SLC12A9: variants seen among roughly 807,000 people sequenced by gnomAD.
SLC12A9 encodes the protein CCC-interacting protein 1.
In SLC12A9, 55 loss-of-function variants were observed where a neutral mutation model predicts 66.0. That is an observed-to-expected ratio of 0.83 (90% confidence interval 0.67 to 1.04). The LOEUF is 1.04. Among genes scored for constraint, SLC12A9 ranks in the 50% least tolerant of loss-of-function variants. SLC12A9 has a pLI of 0.00. For missense variants in SLC12A9, 1,061 were observed against 1,241.9 expected, an observed-to-expected ratio of 0.85 and a Z score of 2.19; for synonymous variants, 577 against 569.0, an observed-to-expected ratio of 1.01 and a Z score of -0.20.
intron 1 of SLC12A9, among the ~76,000 whole-genome samples, chr7:100,828,685 C>T (rs1002718700): frequency 1.3e-5 from 2 of 152,160 alleles, no homozygotes; most frequent in Non-Finnish European, 2.9e-5. Context: ...GCCATGACCC[C>T]TGAGGCTGGG....
Position 100,866,218 on chromosome 7 carries a change from G to A in SLC12A9, c.2358G>A (p.Arg786=). The change falls in exon 14 of 14, where the codon CGG becomes CGA. Residue 786 remains arginine, a synonymous_variant. Transcript: ENST00000354161. The surrounding 1 kb of genome is among the most constrained non-coding windows in gnomAD (Gnocchi z 7.3). ...CTGGGGCGGCCGAGGGGCGGCTGCG[G>A]GCACTGCTGAGCCAACTGAGGATCC... ...EAPGAAEGRL[R]ALLSQLRIRA... is the part of the protein sequence containing the mutation. 6.2e-7 allele frequency: 1 copy of A among 1,609,784 alleles called. No homozygotes were observed. The highest frequency in any genetic ancestry group is 8.5e-7 in the Non-Finnish European group (1 of 1,178,694).
At chr7:100,853,171 A>G (rs1814173462) in intron 1 of SLC12A9, 1 of 151,004 alleles carries the variant, frequency 6.6e-6, no homozygotes, top group Non-Finnish European at 1.5e-5. Flanking sequence ...GTTTCTTGTT[A>G]CCTGTGGGTG....
chr7:100,833,365 A>C (rs1813580786), intron 1 of SLC12A9, among the ~76,000 whole-genome samples: 1 of 152,046 alleles, frequency 6.6e-6, no homozygotes, highest in South Asian at 2.1e-4. Flanking sequence ...GCTACTCAGG[A>C]GGCTGAGGCA....
At position 100,854,778 on chromosome 7, in the gene SLC12A9, G is replaced by A. The variant is rs778705098; in HGVS notation, c.316+24G>A. 3.7e-6 allele frequency: 6 copies of A among 1,613,364 alleles called. No individual in the cohort carries two copies. In the South Asian group the frequency reaches 5.5e-5, roughly 15 times the overall value. On this transcript the variant is annotated intron_variant, in intron 3 of 13. Transcript: ENST00000354161. ...CTGTATCCTCCAACATCGATGGACT[G>A]GGGTCTGGCCTGTTCTGCCTGCTAG...
At chr7:100,851,151 C>T (rs1814064016), upstream of SLC12A9, among the ~76,000 whole-genome samples, 1 of 151,772 alleles carries the variant, frequency 6.6e-6, no homozygotes, top group South Asian at 2.1e-4. Flanking sequence ...CCCACTGCAC[C>T]CAGCTCCTTG....
Position 100,861,349 on chromosome 7 carries a change from G to A in SLC12A9, c.1344-43G>A. ...GCTGGGGACTGCAGCCTCGTGTGCG[G>A]CCTGCCCTGAGTTTCTGTCCCTCCT... On this transcript the variant is annotated intron_variant, in intron 10 of 13. Transcript: ENST00000354161. The surrounding 1 kb of genome is among the most constrained non-coding windows in gnomAD (Gnocchi z 5.3). 2 of 1,611,626 alleles carry A rather than the reference G, an allele frequency of 1.2e-6. No homozygotes were observed. Among genetic ancestry groups the A allele is most frequent in the Non-Finnish European group, 1.7e-6 (2 of 1,178,258 alleles).
Position 100,860,203 on chromosome 7 carries a change from G to A in SLC12A9, c.1189G>A (p.Ala397Thr). The change falls in exon 9 of 14, where the codon GCT becomes ACT. Residue 397 changes from alanine to threonine, a missense_variant. Coordinates refer to ENST00000354161, the MANE Select transcript of SLC12A9 (RefSeq NM_020246.4). ...VVSRGGNPWA[A>T]VLYSWGLVQL... ...GTCCCGAGGGGGAAACCCCTGGGCA[G>A]CTGTACTTTATTCTTGGGGCCTGGT... 1.2e-6 allele frequency: 2 copies of A among 1,614,192 alleles called. No homozygotes were observed. Among genetic ancestry groups the A allele is most frequent in the Non-Finnish European group, 1.7e-6 (2 of 1,180,004 alleles).
intron 1 of SLC12A9, among the ~76,000 whole-genome samples, chr7:100,837,771 C>T (rs1462595191): frequency 6.6e-6 from 1 of 152,078 alleles, no homozygotes; most frequent in African/African-American, 2.4e-5. Flanking sequence ...TGATCCTCCA[C>T]ACTTGGCCTC....
At chr7:100,838,657 C>A (rs1813717236) in intron 1 of SLC12A9, among the ~76,000 whole-genome samples, 1 of 152,168 alleles carries the variant, frequency 6.6e-6, no homozygotes, top group African/African-American at 2.4e-5. Context: ...CCTAGGATTA[C>A]AGGTGTGTAG....
chr7:100,856,871 C>T lies in SLC12A9; in HGVS notation c.452C>T (p.Ala151Val). 6.3e-7 allele frequency: 1 copy of T among 1,590,846 alleles called. No individual in the cohort carries two copies. The highest frequency in any genetic ancestry group is 8.5e-7 in the Non-Finnish European group (1 of 1,170,468). The part of the protein sequence containing the change: ...ESVLDVFGAD[A>V]TGPSGLRVLP... ...CTCTGTCCCTACCTCTCTCCAGATG[C>T]CACAGGGCCCAGTGGGCTCCGGGTC... is the stretch of plus-strand genomic sequence containing the variant. The change falls in exon 5 of 14, where the codon GCC (alanine) becomes GTC (valine). Residue 151 changes from alanine to valine, a missense_variant. By Grantham distance (64) the Ala-to-Val change is moderately conservative. Transcript: ENST00000354161.
chr7:100,849,382 G>A (rs1320997386), upstream of SLC12A9, among the ~76,000 whole-genome samples: 1 of 151,996 alleles, frequency 6.6e-6, no homozygotes, highest in Admixed American at 6.6e-5. Context: ...AAGGCAGTGG[G>A]ATGTGGAGGG....
At chr7:100,837,788 T>G (rs1813692184) in intron 1 of SLC12A9, among the ~76,000 whole-genome samples, 1 of 151,914 alleles carries the variant, frequency 6.6e-6, no homozygotes, top group African/African-American at 2.4e-5. Context: ...CCTCCCAAAG[T>G]GTTGGGATTA....
At chr7:100,829,547 C>T (rs1456142801) in intron 1 of SLC12A9, among the ~76,000 whole-genome samples, 2 of 152,114 alleles carry the variant, frequency 1.3e-5, no homozygotes, top group East Asian at 3.9e-4. Flanking sequence ...GGGCAGGAAA[C>T]AGCCGGCTTC....
rs180970804 is a variant in SLC12A9, at chr7:100,859,840, C to T, written c.978-45C>T. On this transcript the variant is annotated intron_variant, in intron 7 of 13. Coordinates refer to ENST00000354161, the MANE Select transcript of SLC12A9 (RefSeq NM_020246.4). ...AGATCGGGGCTGGAGATTTTCTTAC[C>T]CCGTGACGCATGATCATCCGTGTCC... 5.4e-5 allele frequency: 84 copies of T among 1,564,260 alleles called. No individual in the cohort carries two copies. In the East Asian group the frequency reaches 1.5e-3, roughly 29 times the overall value.
rs367929797 is a variant in SLC12A9 at position 100,862,865 on chromosome 7, T to C, written c.1858+38T>C. ...TCCCTGGATGCCCTCGGCCTTCCTC[T>C]GTGGCCACTTCAAATCTCCGCTCCC... On this transcript the variant is annotated intron_variant, in intron 13 of 13. Coordinates refer to ENST00000354161, the MANE Select transcript of SLC12A9 (RefSeq NM_020246.4). The C allele has an allele frequency of 2.5e-6, 4 of 1,611,194 alleles. No homozygotes were observed. The African/African-American group carries it at 5.3e-5, about 22-fold the overall frequency.
intron 1 of SLC12A9, among the ~76,000 whole-genome samples, chr7:100,845,724 T>C (rs1813896016): frequency 6.6e-6 from 1 of 152,172 alleles, no homozygotes; most frequent in Admixed American, 6.6e-5. Flanking sequence ...CTGTCTATGC[T>C]TCCCGTGAAA....
chr7:100,828,588 C>T (rs1813476880), intron 1 of SLC12A9, among the ~76,000 whole-genome samples: 1 of 150,448 alleles, frequency 6.6e-6, no homozygotes, highest in African/African-American at 2.5e-5. Flanking sequence ...TGGGTGTGTC[C>T]GAGAGGGTGA....
At chr7:100,850,871 C>T (rs1043199496), upstream of SLC12A9, among the ~76,000 whole-genome samples, 1 of 152,044 alleles carries the variant, frequency 6.6e-6, no homozygotes, top group Non-Finnish European at 1.5e-5. Context: ...AGGTGCGTGC[C>T]ACCACGCCCA....
intron 1 of SLC12A9, chr7:100,837,457 G>A (rs957266646): frequency 2.0e-5 from 3 of 152,238 alleles, no homozygotes; most frequent in Non-Finnish European, 4.4e-5. Flanking sequence ...CCTCTCGTTG[G>A]TTGCCCTCTC....
Sources: gnomAD v4.1 joint callset for allele counts (sites outside exome capture counted in the v4.1 genomes callset) on GRCh38, gnomAD v4.1.1 for gene constraint, Gnocchi (gnomAD v3.1) non-coding constraint, MANE v1.5 for transcripts, NCBI Gene and HGNC (gene_info 2026-07-23, HGNC 2026-07-21) for gene names.